UBE2G1: variants seen among roughly 807,000 people sequenced by gnomAD.
UBE2G1 encodes ubiquitin conjugating enzyme E2 G1, also known as ubiquitin-conjugating enzyme E2 G1.
Under a neutral mutation model 22.7 loss-of-function variants are expected in UBE2G1, and 5 were observed. The ratio of observed to expected loss-of-function variants is 0.22; its 90% CI spans 0.12 to 0.46. The LOEUF (loss-of-function observed/expected upper bound fraction) is 0.46, where lower values mean the gene tolerates loss of function less well. Ranked by LOEUF, UBE2G1 falls within the 20% of genes least tolerant of loss-of-function variation. The pLI is 0.99. For synonymous variants in UBE2G1, 74 were observed against 67.5 expected, an observed-to-expected ratio of 1.10 and a Z score of -0.47; for missense variants, 88 against 203.9, an observed-to-expected ratio of 0.43 and a Z score of 3.46.
At chr17:4,335,699 T>G (rs891447594) in intron 1 of UBE2G1, among the ~76,000 whole-genome samples, 3 of 152,190 alleles carry the variant, frequency 2.0e-5, no homozygotes, top group Non-Finnish European at 4.4e-5. Context: ...TACGTCATAG[T>G]TTCTTTGACA....
intron 3 of UBE2G1, among the ~76,000 whole-genome samples, chr17:4,295,852 G>C (rs1969103833): frequency 6.7e-6 from 1 of 149,652 alleles, no homozygotes; most frequent in Non-Finnish European, 1.5e-5. Flanking sequence ...GGCTAGGCAG[G>C]AGAACTGCCA....
rs1219116686 is a variant in UBE2G1, at chr17:4,340,095, CTGTT to C, written c.46+26172_46+26175del. ...CACAGGTGCATATGGCTTTTTTTAA[CTGTT>C]TGTAGAGACAGGGTCTCCCCTATGT... On this transcript the variant is annotated intron_variant, in intron 1 of 5. Coordinates refer to ENST00000396981, the MANE Select transcript of UBE2G1 (RefSeq NM_003342.5). Among the ~76,000 whole-genome samples, 19 of 152,068 alleles carry C rather than the reference CTGTT, an allele frequency of 1.2e-4. 1 individual carries two copies. The East Asian group carries it at 3.7e-3, about 29-fold the overall frequency.
chr17:4,326,051 G>C (rs576140773), intron 1 of UBE2G1, among the ~76,000 whole-genome samples: 2 of 152,060 alleles, frequency 1.3e-5, no homozygotes, highest in Admixed American at 1.3e-4. Flanking sequence ...CAAGACATTG[G>C]ATTTAGCAAC....
At chr17:4,346,126 G>A (rs1314563220) in intron 1 of UBE2G1, among the ~76,000 whole-genome samples, 2 of 152,122 alleles carry the variant, frequency 1.3e-5, no homozygotes, top group African/African-American at 4.8e-5. Context: ...TTTACAACCA[G>A]TAATCTGAAG....
At chr17:4,364,913 G>C (rs1970015133) in intron 1 of UBE2G1, among the ~76,000 whole-genome samples, 1 of 152,178 alleles carries the variant, frequency 6.6e-6, no homozygotes, top group Admixed American at 6.5e-5. Context: ...ATTTTTATGA[G>C]TATCCTGTAG....
At chr17:4,339,390 C>T (rs971850568) in intron 1 of UBE2G1, among the ~76,000 whole-genome samples, 2 of 151,708 alleles carry the variant, frequency 1.3e-5, no homozygotes, top group Non-Finnish European at 2.9e-5. Flanking sequence ...CTGCAACCTT[C>T]GACTCCCGGC....
intron 1 of UBE2G1, among the ~76,000 whole-genome samples, chr17:4,319,401 G>A (rs555902390): frequency 1.3e-5 from 2 of 152,250 alleles, no homozygotes; most frequent in South Asian, 4.2e-4. Flanking sequence ...TAACAGTGAC[G>A]TGAAGAAATA....
Position 4,269,492 on chromosome 17 carries a change from A to G in UBE2G1, c.*3062T>C. ...GGAGACCAGACGGGCAAAGATACAC[A>G]GGCACCACAGCCCAAAGCGGGCAGA... On this transcript the variant is annotated 3_prime_UTR_variant, in exon 6 of 6. Coordinates refer to ENST00000396981, the MANE Select transcript of UBE2G1 (RefSeq NM_003342.5). The G allele has an allele frequency of 5.4e-6, 1 of 185,572 alleles. No individual in the cohort carries two copies. The highest frequency in any genetic ancestry group is 1.1e-5 in the Non-Finnish European group (1 of 88,298). 11.5% of individuals were successfully genotyped at this position (185,572 alleles called of 1,614,324 possible).
At chr17:4,365,810 A>T (rs1021479799) in intron 1 of UBE2G1, among the ~76,000 whole-genome samples, 2 of 152,106 alleles carry the variant, frequency 1.3e-5, no homozygotes, top group Non-Finnish European at 2.9e-5. Context: ...CTATCCCGCC[A>T]GGGCCGGTCC....
chr17:4,345,959 T>C (rs1229905522), intron 1 of UBE2G1, among the ~76,000 whole-genome samples: 1 of 152,264 alleles, frequency 6.6e-6, no homozygotes, highest in Non-Finnish European at 1.5e-5. Flanking sequence ...GGATACCAAG[T>C]GTTGAATAAT....
At chr17:4,293,988 C>CT (rs1238747000) in intron 3 of UBE2G1, among the ~76,000 whole-genome samples, 3 of 152,154 alleles carry the variant, frequency 2.0e-5, no homozygotes, top group Non-Finnish European at 4.4e-5. Context: ...TAAGAGAAAC[C>CT]TATTACATAG....
At position 4,330,691 on chromosome 17, in the gene UBE2G1, C is replaced by T. The variant is rs573436244; in HGVS notation, c.47-23568G>A. Among the ~76,000 whole-genome samples, 213 of 151,954 alleles carry T rather than the reference C, an allele frequency of 1.4e-3. 1 individual carries two copies. The highest frequency in any genetic ancestry group is 4.8e-3 in the African/African-American group (198 of 41,480). On this transcript the variant is annotated intron_variant, in intron 1 of 5. Transcript: ENST00000396981. ...GGCGGAGGTTGCGGTGAGCCAAGAT[C>T]GCACCATTGCGCTCCAGCCTGGACA...
chr17:4,281,634 A>G lies in UBE2G1; in HGVS notation c.*37+1164T>C, dbSNP rs374863775. On this transcript the variant is annotated intron_variant, in intron 5 of 5. Transcript: ENST00000396981. ...TTGTTTCTGTAGCTGGACAACTCTT[A>G]GACTTTATTCACCAACTTGCAGAAC... Among the ~76,000 whole-genome samples the G allele has an allele frequency of 4.2e-4, 64 of 152,342 alleles. 1 individual carries two copies. In the South Asian group the frequency reaches 0.011, roughly 27 times the overall value.
intron 4 of UBE2G1, among the ~76,000 whole-genome samples, chr17:4,284,824 CTTTTCTTTTCTTTCTTTTTTTTTT>C (rs1968940344): frequency 1.2e-5 from 1 of 85,574 alleles, no homozygotes; most frequent in Non-Finnish European, 2.2e-5. Flanking sequence ...TTTTTCTTTT[CTTTTCTTTTCTTTCTTTTTTTTTT>C]TTTTTTTTTT....
At chr17:4,347,596 T>A (rs1969794079) in intron 1 of UBE2G1, among the ~76,000 whole-genome samples, 1 of 147,050 alleles carries the variant, frequency 6.8e-6, no homozygotes, top group African/African-American at 2.5e-5. Context: ...TGCCTCAGCC[T>A]CCCAAATAGC....
intron 2 of UBE2G1, among the ~76,000 whole-genome samples, chr17:4,303,423 C>T (rs1969210048): frequency 6.6e-6 from 1 of 151,960 alleles, no homozygotes; most frequent in South Asian, 2.1e-4. Context: ...AGCAATAGAA[C>T]ATGGAACATT....
At chr17:4,345,811 T>C (rs1207857716) in intron 1 of UBE2G1, 1 of 152,178 alleles carries the variant, frequency 6.6e-6, no homozygotes, top group Non-Finnish European at 1.5e-5. Context: ...AGCTTTAGTA[T>C]GTAGATCCCC....
chr17:4,274,561 A>C (rs925978966), intron 5 of UBE2G1, among the ~76,000 whole-genome samples: 2 of 152,164 alleles, frequency 1.3e-5, no homozygotes, highest in Admixed American at 6.5e-5. Context: ...GGGGAGAAAG[A>C]AAGCCATTTA....
chr17:4,364,383 G>A lies in UBE2G1; in HGVS notation c.46+1888C>T, dbSNP rs1320824940. ...TCGGCTCACTGCACATCCGCCTCCC[G>A]GGTTCACGCCATTCTCCTGCCTCAG... On this transcript the variant is annotated intron_variant, in intron 1 of 5. Coordinates refer to ENST00000396981, the MANE Select transcript of UBE2G1 (RefSeq NM_003342.5). 1.9e-4 allele frequency: 19 copies of A among 100,902 alleles called. No individual in the cohort carries two copies. In the Admixed American group the frequency reaches 2.2e-3, roughly 11 times the overall value. 6.3% of individuals were successfully genotyped at this position (100,902 alleles called of 1,614,324 possible). A position where few individuals can be genotyped will look rare whatever the true frequency, so the allele number is the denominator to read the frequency against.
Sources: allele counts gnomAD v4.1 joint callset (sites outside exome capture counted in the v4.1 genomes callset), GRCh38; gene constraint gnomAD v4.1.1; transcripts MANE v1.5; gene names NCBI Gene and HGNC (gene_info 2026-07-23, HGNC 2026-07-21).